Variants in M6PR observed in about 807,000 individuals in gnomAD.
The protein encoded by M6PR is cation-dependent mannose-6-phosphate receptor.
In M6PR, 19 loss-of-function variants were observed where a neutral mutation model predicts 33.1. That is an observed-to-expected ratio of 0.57 (90% CI 0.40 to 0.84). The LOEUF is 0.84. Ranked by LOEUF, M6PR falls within the 40% of genes least tolerant of loss-of-function variation. The probability of loss-of-function intolerance (pLI) is 0.00; values close to 1 mark genes in which losing one functional copy is unlikely to be tolerated. For missense variants in M6PR, 295 were observed against 336.0 expected (o/e 0.88, Z 0.95); for synonymous variants, 111 against 123.4 (o/e 0.90, Z 0.67).
chr12:8,946,415 A>G lies in M6PR; in HGVS notation c.-1-10T>C. 1 of 1,613,212 alleles carries G rather than the reference A, an allele frequency of 6.2e-7. No individual in the cohort carries two copies. The highest frequency in any genetic ancestry group is 1.1e-5 in the South Asian group (1 of 91,034). ...GTAGAAAGGGAACATCCTTTGGGAG[A>G]GAGTGTGTGTTGGGGAGGGCAGGTA... On this transcript the variant is annotated splice_polypyrimidine_tract_variant and intron_variant, in intron 1 of 6. Transcript: ENST00000000412.
chr12:8,945,426 A>C lies in M6PR; in HGVS notation c.335T>G (p.Phe112Cys). The change falls in exon 3 of 7, where the codon TTC becomes TGC. Residue 112 changes from phenylalanine (F) to cysteine (C), a missense_variant. By Grantham distance (205) the Phe-to-Cys change is radical. Coordinates refer to ENST00000000412, the MANE Select transcript of M6PR (RefSeq NM_002355.4). ...AAGGGGAGTTTTCTTACTTCCGTTG[A>C]AGATGTGAGTCTCGTTGAGTCTCCC... ...VVGRLNETHI[F>C]NGSNWIMLIY... 2 of 1,614,016 alleles carry C rather than the reference A, an allele frequency of 1.2e-6. No individual in the cohort carries two copies. Among genetic ancestry groups the C allele is most frequent in the South Asian group, 2.2e-5 (2 of 91,068 alleles).
At chr12:8,943,247 TG>T in intron 5 of M6PR, 157 bp downstream of exon 5, 2 of 940,106 alleles carry the variant, frequency 2.1e-6, no homozygotes, top group Non-Finnish European at 3.1e-6. Flanking sequence ...CCCTGTGTCC[TG>T]GCAGAATTAT....
At chr12:8,947,375 A>G (rs2137173413) in intron 1 of M6PR, among the ~76,000 whole-genome samples, 1 of 152,248 alleles carries the variant, frequency 6.6e-6, no homozygotes, top group Non-Finnish European at 1.5e-5. Flanking sequence ...CCATTCCCCT[A>G]AACAACCTAA....
chr12:8,943,922 C>T lies in M6PR; in HGVS notation c.344-12G>A, dbSNP rs200219823. ...CATGATCCAATTACCTGAGGAGGGA[C>T]AAGGAAAATGGAGCTATGGGGTGGG... On this transcript the variant is annotated splice_polypyrimidine_tract_variant and intron_variant, in intron 3 of 6. Coordinates refer to ENST00000000412, the MANE Select transcript of M6PR (RefSeq NM_002355.4). 4 of 1,574,988 alleles carry T rather than the reference C, an allele frequency of 2.5e-6. No individual in the cohort carries two copies. In the East Asian group the frequency reaches 9.0e-5, roughly 35 times the overall value.
At position 8,942,305 on chromosome 12, in the gene M6PR, G is replaced by A; in HGVS notation, c.711+111C>T. On this transcript the variant is annotated intron_variant, in intron 6 of 6. Coordinates refer to ENST00000000412, the MANE Select transcript of M6PR (RefSeq NM_002355.4). ...GTTTGCTGGGACTTTTGTGGTTTTA[G>A]CACTCAATGTCCTGTGTCCCAGGAA... 2.1e-6 allele frequency: 3 copies of A among 1,457,192 alleles called. No homozygotes were observed. In the South Asian group the frequency reaches 3.6e-5, roughly 18 times the overall value. 90.3% of individuals were successfully genotyped at this position (1,457,192 alleles called of 1,614,324 possible). A position where few individuals can be genotyped will look rare whatever the true frequency, so the allele number is the denominator to read the frequency against.
At chr12:8,945,311 G>T in intron 3 of M6PR, 107 bp downstream of exon 3, 4 of 1,171,600 alleles carry the variant, frequency 3.4e-6, no homozygotes, top group Non-Finnish European at 5.0e-6. Flanking sequence ...CGAACCACAC[G>T]TATGATATGC....
Position 8,941,830 on chromosome 12 carries a change from T to C in M6PR, c.822A>G (p.Leu274=), listed in dbSNP as rs1470227008. 2 of 1,613,940 alleles carry C rather than the reference T, an allele frequency of 1.2e-6. No homozygotes were observed. Among genetic ancestry groups the C allele is most frequent in the African/African-American group, 2.7e-5 (2 of 74,874 alleles). ...TATAAAGTGCAATCTACATTGGTAA[T>C]AAATGGTCATCCCTTTCTTCTGACT... ...GEESEERDDH[L]LPM The change falls in exon 7 of 7, where the codon TTA becomes TTG. Residue 274 remains leucine (L), a synonymous_variant. Coordinates refer to ENST00000000412, the MANE Select transcript of M6PR (RefSeq NM_002355.4).
chr12:8,946,740 G>A (rs769327920), intron 1 of M6PR: 6 of 188,482 alleles, frequency 3.2e-5, no homozygotes, highest in Non-Finnish European at 5.5e-5. Flanking sequence ...ATGGCTTGAT[G>A]TAGTCTTCTG....
intron 1 of M6PR, among the ~76,000 whole-genome samples, chr12:8,947,291 GA>G (rs1946108221): frequency 6.6e-6 from 1 of 152,138 alleles, no homozygotes; most frequent in Non-Finnish European, 1.5e-5. Context: ...GAAACAGGCA[GA>G]ATTTTCATGG....
chr12:8,948,478 C>T (rs1460128377), intron 1 of M6PR, among the ~76,000 whole-genome samples: 1 of 152,146 alleles, frequency 6.6e-6, no homozygotes, highest in Non-Finnish European at 1.5e-5. Flanking sequence ...ATAAAGATAA[C>T]TGCTGGAAAA....
At position 8,941,857 on chromosome 12, in the gene M6PR, C is replaced by T. The variant is rs1375399150; in HGVS notation, c.795G>A (p.Glu265=). 6.2e-7 allele frequency: 1 copy of T among 1,614,130 alleles called. No homozygotes were observed. Residue 265 remains glutamate (E), a synonymous_variant, in exon 7 of 7, where the codon GAG becomes GAA. Coordinates refer to ENST00000000412, the MANE Select transcript of M6PR (RefSeq NM_002355.4). The part of the protein sequence containing the change: ...YRGVGDDQLG[E]ESEERDDHLL... The stretch of plus-strand genomic sequence containing the variant: ...AATGGTCATCCCTTTCTTCTGACTC[C>T]TCCCCCAGCTGGTCATCCCCCACAC...
rs74060247 is a variant in M6PR at position 8,946,332 on chromosome 12, A to G, written c.73T>C (p.Trp25Arg). 3.7e-6 allele frequency: 6 copies of G among 1,614,142 alleles called. No homozygotes were observed. In the African/African-American group the frequency reaches 5.3e-5, roughly 14 times the overall value. Reference protein sequence around the residue: ...LLLAVAVRESWQTEEKTCDLV... With the variant: ...LLLAVAVRESRQTEEKTCDLV... ...TCGCAAGTTTTTTCTTCTGTCTGCC[A>G]GGATTCTCTCACTGCCACAGCCAGG... The change falls in exon 2 of 7, where the codon TGG becomes CGG. Residue 25 changes from tryptophan (W) to arginine (R), a missense_variant. Transcript: ENST00000000412.
chr12:8,944,327 G>A (rs1198456154), intron 3 of M6PR, among the ~76,000 whole-genome samples: 1 of 152,152 alleles, frequency 6.6e-6, no homozygotes, highest in African/African-American at 2.4e-5. Flanking sequence ...ATCTAAGATT[G>A]GAATGCATAT....
chr12:8,943,706 T>C, intron 4 of M6PR, 95 bp downstream of exon 4: 1 of 1,330,840 alleles, frequency 7.5e-7, no homozygotes, highest in Non-Finnish European at 1.1e-6. Context: ...CTAATGTCCA[T>C]CCCAACGTAT....
chr12:8,944,948 C>T (rs959450010), intron 3 of M6PR, among the ~76,000 whole-genome samples: 2 of 151,716 alleles, frequency 1.3e-5, no homozygotes, highest in Admixed American at 1.3e-4. Flanking sequence ...ATCACGAGGT[C>T]AAAGATCAAG....
intron 4 of M6PR, 63 bp from the exon 5 acceptor site, chr12:8,943,598 T>TA: frequency 6.3e-7 from 1 of 1,599,952 alleles, no homozygotes; most frequent in African/African-American, 1.3e-5. Context: ...TCCAACAAAA[T>TA]AAAAAACCCA....
At chr12:8,942,012 G>A in intron 6 of M6PR, 72 bp from the exon 7 acceptor site, 1 of 1,533,406 alleles carries the variant, frequency 6.5e-7, no homozygotes, top group Non-Finnish European at 9.0e-7. Context: ...TGTACTTATG[G>A]TCTAGGAATG....
intron 1 of M6PR, among the ~76,000 whole-genome samples, chr12:8,948,263 T>A (rs1275944676): frequency 6.6e-6 from 1 of 152,246 alleles, no homozygotes; most frequent in African/African-American, 2.4e-5. Flanking sequence ...AAGCTGCTTC[T>A]CTTTAATTCA....
rs1188355833 is a variant in M6PR at position 8,940,412 on chromosome 12, G to GT, written c.*1405dup. ...AAGAGTTTTTGTACAAAAGGTGATG[G>GT]TTTTTTTTCTTCATTTTAAAACACC... On this transcript the variant is annotated 3_prime_UTR_variant, in exon 7 of 7. Coordinates refer to ENST00000000412, the MANE Select transcript of M6PR (RefSeq NM_002355.4). 5.5e-5 allele frequency: 10 copies of GT among 182,932 alleles called. No individual in the cohort carries two copies. The highest frequency in any genetic ancestry group is 3.3e-4 in the East Asian group (2 of 6,100). The allele number at this position is 182,932 out of a possible 1,614,324, so 11.3% of individuals were successfully genotyped here. A position where few individuals can be genotyped will look rare whatever the true frequency, so the allele number is the denominator to read the frequency against.
Sources: gnomAD v4.1 joint callset for allele counts (sites outside exome capture counted in the v4.1 genomes callset) on GRCh38, gnomAD v4.1.1 for gene constraint, MANE v1.5 for transcripts, NCBI Gene and HGNC (gene_info 2026-07-23, HGNC 2026-07-21) for gene names.